POLL: variants seen among roughly 807,000 people sequenced by gnomAD.
POLL encodes the protein DNA polymerase beta-2.
A neutral mutation model predicts 58.1 loss-of-function variants in POLL; 44 were observed. That is an observed-to-expected ratio of 0.76 (90% CI 0.60 to 0.97). The LOEUF is 0.97. POLL is among the 50% of genes least tolerant of loss of function. POLL has a pLI of 0.00. For missense variants in POLL, 632 were observed against 736.8 expected (o/e 0.86, Z 1.65); for synonymous variants, 290 against 283.2 (o/e 1.02, Z -0.24).
rs1185656013 is a variant in POLL, at chr10:101,585,482, T to TG, written c.411-5dup. 20 of 1,521,920 alleles carry TG rather than the reference T, an allele frequency of 1.3e-5. 1 individual carries two copies. The highest frequency in any genetic ancestry group is 1.8e-5 in the Non-Finnish European group (20 of 1,134,234). The allele number at this position is 1,521,920 out of a possible 1,614,324, so 94.3% of individuals were successfully genotyped here. ...GGGCTGTGGATGGTCCAAGTACCTG[T>TG]GGGGATGGTGATGGGAGGTTAAGAC... On this transcript the variant is annotated splice_region_variant and splice_polypyrimidine_tract_variant and intron_variant, in intron 3 of 8. Transcript: ENST00000370162.
At chr10:101,586,706 G>C (rs998015125) in intron 2 of POLL, among the ~76,000 whole-genome samples, 6 of 152,170 alleles carry the variant, frequency 3.9e-5, no homozygotes, top group Non-Finnish European at 7.3e-5. Flanking sequence ...TGTTGCCCAA[G>C]CTGGTCTCGA....
intron 2 of POLL, among the ~76,000 whole-genome samples, 154 bp from the exon 3 acceptor site, chr10:101,586,310 C>T (rs1335657630): frequency 6.6e-6 from 1 of 152,184 alleles, no homozygotes; most frequent in Non-Finnish European, 1.5e-5. Context: ...AGACAGCTTT[C>T]CTTCTACATA....
At position 101,588,181 on chromosome 10, in the gene POLL, G is replaced by C. The variant is rs1055914435; in HGVS notation, c.-406C>G. The stretch of plus-strand genomic sequence containing the variant: ...TACTGGCCAAGCTAGTCACCCGGGG[G>C]TGGGCAGGAATAGACCACTTACCAG... On this transcript the variant is annotated 5_prime_UTR_variant, in exon 1 of 9. Coordinates refer to ENST00000370162, the MANE Select transcript of POLL (RefSeq NM_001174084.2). 6.5e-7 allele frequency: 1 copy of C among 1,527,680 alleles called. No individual in the cohort carries two copies. The highest frequency in any genetic ancestry group is 1.4e-5 in the African/African-American group (1 of 72,796). 94.6% of individuals were successfully genotyped at this position (1,527,680 alleles called of 1,614,324 possible). A position where few individuals can be genotyped will look rare whatever the true frequency, so the allele number is the denominator to read the frequency against.
Position 101,580,465 on chromosome 10 carries a change from T to A in POLL, c.1195-49A>T. 1 of 1,569,540 alleles carries A rather than the reference T, an allele frequency of 6.4e-7. No individual in the cohort carries two copies. The highest frequency in any genetic ancestry group is 8.7e-7 in the Non-Finnish European group (1 of 1,146,058). The stretch of plus-strand genomic sequence containing the variant: ...TGAGGGGCTGTGCGTGGGGAGCTCC[T>A]CTCCCACAGCAGTACAAGGGCCTTC... On this transcript the variant is annotated intron_variant, in intron 7 of 8. Transcript: ENST00000370162. This position sits in a 1 kb window ranked among gnomAD's most constrained non-coding sequence, Gnocchi z 4.1.
At chr10:101,583,017 G>A (rs1212106203) in intron 6 of POLL, 126 bp from the exon 7 acceptor site, 1 of 1,072,594 alleles carries the variant, frequency 9.3e-7, no homozygotes, top group South Asian at 1.3e-5. Flanking sequence ...GACCAACCTA[G>A]GGGCAGTTGG....
Position 101,588,226 on chromosome 10 carries a change from C to T in POLL, c.-451G>A, listed in dbSNP as rs756010355. 1.3e-6 allele frequency: 2 copies of T among 1,547,662 alleles called. No individual in the cohort carries two copies. The highest frequency in any genetic ancestry group is 1.7e-6 in the Non-Finnish European group (2 of 1,146,288). On this transcript the variant is annotated 5_prime_UTR_variant, in exon 1 of 9. Transcript: ENST00000370162. ...TACCAGCAGAGCCAATGAGAGCGGA[C>T]GAAGGGGGGAAGGAGGGCAAATGGC...
rs2134629883 is a variant in POLL, at chr10:101,583,695, A to G, written c.892-14T>C. 1 of 1,611,288 alleles carries G rather than the reference A, an allele frequency of 6.2e-7. No homozygotes were observed. Among genetic ancestry groups the G allele is most frequent in the East Asian group, 2.2e-5 (1 of 44,854 alleles). On this transcript the variant is annotated splice_polypyrimidine_tract_variant and intron_variant, in intron 5 of 8. Coordinates refer to ENST00000370162, the MANE Select transcript of POLL (RefSeq NM_001174084.2). ...ACTGCAGGCCTCCTAGAGGAGGAGG[A>G]GGCAGAGGCAAGAAAGAAGAGTGAG...
chr10:101,583,228 G>A, intron 6 of POLL: 1 of 596,580 alleles, frequency 1.7e-6, no homozygotes, highest in Non-Finnish European at 3.0e-6. Flanking sequence ...GCAGTGTCAA[G>A]GCCTGGCCTC....
At position 101,588,232 on chromosome 10, in the gene POLL, G is replaced by T; in HGVS notation, c.-457C>A. On this transcript the variant is annotated 5_prime_UTR_variant, in exon 1 of 9. Coordinates refer to ENST00000370162, the MANE Select transcript of POLL (RefSeq NM_001174084.2). ...CAGAGCCAATGAGAGCGGACGAAGGGGGGAAGGAGGGCAAATGGCCAGAAT... is the reference window on the plus strand; with the variant it reads ...CAGAGCCAATGAGAGCGGACGAAGGTGGGAAGGAGGGCAAATGGCCAGAAT... 6.5e-7 allele frequency: 1 copy of T among 1,550,206 alleles called. No individual in the cohort carries two copies.
Position 101,586,087 on chromosome 10 carries a change from T to C in POLL, c.185A>G (p.Glu62Gly). ...GIGRARAELF[E>G]KQIVQHGGQL... ...GCCGCCATGCTGAACAATCTGCTTC[T>C]CAAAGAGTTCTGCCCGGGCTCGTCC... The change falls in exon 3 of 9, where the codon GAG (glutamate) becomes GGG (glycine). Residue 62 changes from glutamate (E) to glycine (G), a missense_variant. By Grantham distance (98) the Glu-to-Gly change is moderately conservative. Coordinates refer to ENST00000370162, the MANE Select transcript of POLL (RefSeq NM_001174084.2). 6.2e-7 allele frequency: 1 copy of C among 1,613,988 alleles called. No individual in the cohort carries two copies. Among genetic ancestry groups the C allele is most frequent in the Non-Finnish European group, 8.5e-7 (1 of 1,180,022 alleles).
rs776788486 is a variant in POLL at position 101,579,640 on chromosome 10, C to A, written c.1541G>T (p.Arg514Leu). 6.2e-7 allele frequency: 1 copy of A among 1,613,866 alleles called. No individual in the cohort carries two copies. The highest frequency in any genetic ancestry group is 1.6e-4 in the Middle Eastern group (1 of 6,062). Reference protein sequence around the residue: ...LYFTGSAHFNRSMRALAKTKG... With the variant: ...LYFTGSAHFNLSMRALAKTKG... ...GGTTTTGGCCAGGGCTCGCATGGAG[C>A]GGTTGAAGTGTGCAGAGCCGGTGAA... Residue 514 changes from arginine (R) to leucine (L), a missense_variant, in exon 9 of 9, where the codon CGC becomes CTC. Physicochemically the swap from Arg to Leu is moderately radical, Grantham distance 102. Transcript: ENST00000370162. This position sits in a 1 kb window ranked among gnomAD's most constrained non-coding sequence, Gnocchi z 4.4.
In POLL at chr10:101,580,076, C is replaced by T; in HGVS notation, c.1363+172G>A. ...TCCACATAGGTGTGGCGGGGCTGTT[C>T]CATCTCTCCCTGGAGAGGATTCCGG... On this transcript the variant is annotated intron_variant, in intron 8 of 8. Coordinates refer to ENST00000370162, the MANE Select transcript of POLL (RefSeq NM_001174084.2). This position sits in a 1 kb window ranked among gnomAD's most constrained non-coding sequence, Gnocchi z 4.1. The T allele has an allele frequency of 1.4e-6, 1 of 696,690 alleles. No individual in the cohort carries two copies. Among genetic ancestry groups the T allele is most frequent in the South Asian group, 1.9e-5 (1 of 52,338 alleles). The allele number at this position is 696,690 out of a possible 1,614,324, so 43.2% of individuals were successfully genotyped here.
intron 5 of POLL, 27 bp downstream of exon 5, chr10:101,584,575 C>T (rs762240547): frequency 4.0e-6 from 6 of 1,498,792 alleles, no homozygotes; most frequent in Non-Finnish European, 5.4e-6. Flanking sequence ...AGTAAAGACC[C>T]CTCCTCCCAC....
At position 101,579,503 on chromosome 10, in the gene POLL, A is replaced by T. The variant is rs769482076; in HGVS notation, c.1678T>A (p.Phe560Ile). ...CGGTAGGGGAGGCCTAAGAGCCTGA[A>T]GACATCCTTCTCAGTGGGAGTGGGC... is the stretch of plus-strand genomic sequence containing the variant. Reference protein sequence around the residue: ...VLPTPTEKDVFRLLGLPYREP... With the variant: ...VLPTPTEKDVIRLLGLPYREP... The change falls in exon 9 of 9, where the codon TTC becomes ATC. Residue 560 changes from phenylalanine to isoleucine, a missense_variant. Phe to Ile is a conservative substitution (Grantham distance 21). Transcript: ENST00000370162. This position sits in a 1 kb window ranked among gnomAD's most constrained non-coding sequence, Gnocchi z 4.4. 3 of 1,613,488 alleles carry T rather than the reference A, an allele frequency of 1.9e-6. No individual in the cohort carries two copies. Among genetic ancestry groups the T allele is most frequent in the Non-Finnish European group, 2.5e-6 (3 of 1,179,928 alleles).
At chr10:101,581,393 G>A (rs2062978978) in intron 7 of POLL, 1 of 152,264 alleles carries the variant, frequency 6.6e-6, no homozygotes. Context: ...CGGACACCAT[G>A]GCTGAGTGAC....
At chr10:101,585,712 C>T in intron 3 of POLL, 150 bp downstream of exon 3, 1 of 778,554 alleles carries the variant, frequency 1.3e-6, no homozygotes, top group East Asian at 2.7e-5. Flanking sequence ...AATCAATCCT[C>T]CCACCTAAAC....
intron 2 of POLL, among the ~76,000 whole-genome samples, chr10:101,586,367 T>TACGTCCTGTCCC (rs1290270134): frequency 6.6e-6 from 1 of 152,232 alleles, no homozygotes; most frequent in African/African-American, 2.4e-5. Context: ...GGGACAAGGA[T>TACGTCCTGTCCC]TTTCATACGT....
chr10:101,587,230 G>A lies in POLL; in HGVS notation c.115+16C>T, dbSNP rs1333489308. 1.2e-6 allele frequency: 2 copies of A among 1,613,778 alleles called. No homozygotes were observed. The highest frequency in any genetic ancestry group is 1.3e-5 in the African/African-American group (1 of 75,050). On this transcript the variant is annotated intron_variant, in intron 2 of 8. Transcript: ENST00000370162. ...GGGTTCAAGCACACGAGGGTTCTGAGACTGGGTCAGCTCACCTTCTGCTTC... is the reference window on the plus strand; with the variant it reads ...GGGTTCAAGCACACGAGGGTTCTGAAACTGGGTCAGCTCACCTTCTGCTTC...
rs1482981914 is a variant in POLL, at chr10:101,588,029, A to G, written c.-254T>C. On this transcript the variant is annotated 5_prime_UTR_variant, in exon 1 of 9. Transcript: ENST00000370162. ...GTGAAGTCCCGGGCAGGTGCGGTGT[A>G]CTCGCCGTGTACGCAGCTGGCGCAG... The G allele has an allele frequency of 1.4e-6, 2 of 1,388,250 alleles. No individual in the cohort carries two copies. The highest frequency in any genetic ancestry group is 1.9e-6 in the Non-Finnish European group (2 of 1,053,328). The allele number at this position is 1,388,250 out of a possible 1,614,324, so 86.0% of individuals were successfully genotyped here. A position where few individuals can be genotyped will look rare whatever the true frequency, so the allele number is the denominator to read the frequency against.
Sources: allele counts gnomAD v4.1 joint callset (sites outside exome capture counted in the v4.1 genomes callset), GRCh38; gene constraint gnomAD v4.1.1; non-coding constraint Gnocchi (gnomAD v3.1); transcripts MANE v1.5; gene names NCBI Gene and HGNC (gene_info 2026-07-23, HGNC 2026-07-21).